Variants in PARM1 observed in about 807,000 individuals in gnomAD.
PARM1 encodes the protein WSC4, cell wall integrity and stress response component 4 homolog.
In PARM1, 14 loss-of-function variants were observed where a neutral mutation model predicts 24.6. That is an observed-to-expected ratio of 0.57 (90% CI 0.38 to 0.89). The LOEUF (loss-of-function observed/expected upper bound fraction) is 0.89. Ranked by LOEUF, PARM1 falls within the 40% of genes least tolerant of loss-of-function variation. The pLI is 0.00. For synonymous variants in PARM1, 179 were observed against 156.6 expected (o/e 1.14, Z -1.07); for missense variants, 362 against 380.4 (o/e 0.95, Z 0.40).
intron 2 of PARM1, among the ~76,000 whole-genome samples, chr4:75,017,455 C>G (rs1178163547): frequency 6.6e-6 from 1 of 152,136 alleles, no homozygotes; most frequent in Non-Finnish European, 1.5e-5. Flanking sequence ...AGAACATTCT[C>G]CCTCCAGATC....
intron 1 of PARM1, among the ~76,000 whole-genome samples, chr4:75,011,211 C>G (rs1722862884): frequency 6.6e-6 from 1 of 152,230 alleles, no homozygotes; most frequent in South Asian, 2.1e-4. Flanking sequence ...ATTTGGAGGG[C>G]ACATCCAAAC....
At chr4:75,036,345 A>T (rs1055816849) in intron 3 of PARM1, among the ~76,000 whole-genome samples, 1 of 152,210 alleles carries the variant, frequency 6.6e-6, no homozygotes, top group Non-Finnish European at 1.5e-5. Flanking sequence ...GTGATTAACA[A>T]TTCAGACTCC....
chr4:74,933,228 C>T lies in PARM1; in HGVS notation c.-100C>T. ...TCGCGCCTCCCGGCTCCCACCGCAG[C>T]CCACCCGGCAGAGGAGTCGCTACCA... On this transcript the variant is annotated 5_prime_UTR_variant, in exon 1 of 4. Coordinates refer to ENST00000307428, the MANE Select transcript of PARM1 (RefSeq NM_015393.4). The T allele has an allele frequency of 9.6e-7, 1 of 1,043,802 alleles. No homozygotes were observed. Among genetic ancestry groups the T allele is most frequent in the South Asian group, 1.4e-5 (1 of 71,706 alleles). 64.7% of individuals were successfully genotyped at this position (1,043,802 alleles called of 1,614,324 possible). A position where few individuals can be genotyped will look rare whatever the true frequency, so the allele number is the denominator to read the frequency against.
At chr4:74,938,582 G>A (rs886164940) in intron 1 of PARM1, among the ~76,000 whole-genome samples, 9 of 152,156 alleles carry the variant, frequency 5.9e-5, no homozygotes, top group African/African-American at 2.2e-4. Flanking sequence ...GAAATACAGA[G>A]CTAATAGGTT....
At chr4:74,997,899 A>C (rs1264357344) in intron 1 of PARM1, 1 of 152,236 alleles carries the variant, frequency 6.6e-6, no homozygotes, top group Non-Finnish European at 1.5e-5. Flanking sequence ...GATTTATTCT[A>C]AATAAGTGCA....
intron 1 of PARM1, among the ~76,000 whole-genome samples, chr4:74,941,050 T>C (rs141999720): frequency 3.5e-4 from 53 of 152,318 alleles, no homozygotes; most frequent in African/African-American, 1.3e-3. Context: ...GGCAAGTTAT[T>C]GGTAGATCAC....
intron 2 of PARM1, among the ~76,000 whole-genome samples, chr4:75,018,592 G>C (rs1419277430): frequency 6.6e-6 from 1 of 152,094 alleles, no homozygotes; most frequent in Non-Finnish European, 1.5e-5. Flanking sequence ...AGGTCCTTTT[G>C]GCTTTTCATA....
intron 3 of PARM1, among the ~76,000 whole-genome samples, chr4:75,045,606 A>G (rs1167720325): frequency 6.6e-6 from 1 of 152,232 alleles, no homozygotes; most frequent in Non-Finnish European, 1.5e-5. Context: ...CACTTCAATT[A>G]ACATCTCTGA....
chr4:74,989,584 T>C (rs1403052524), intron 1 of PARM1, among the ~76,000 whole-genome samples: 2 of 152,108 alleles, frequency 1.3e-5, no homozygotes, highest in Non-Finnish European at 2.9e-5. Flanking sequence ...CCTTTTGAGT[T>C]TTTATGGATA....
chr4:75,005,218 A>G (rs73828405), intron 1 of PARM1, among the ~76,000 whole-genome samples: 47,658 of 151,986 alleles, frequency 0.31, 9,574 homozygotes, highest in African/African-American at 0.57. Flanking sequence ...GGCGACCACA[A>G]GCAATGCTCC....
intron 1 of PARM1, among the ~76,000 whole-genome samples, chr4:74,948,518 G>A (rs541317469): frequency 6.6e-6 from 1 of 152,280 alleles, no homozygotes; most frequent in East Asian, 1.9e-4. Context: ...CAGGCACCAG[G>A]TGAGTGGCCT....
chr4:74,990,103 A>G (rs1722437558), intron 1 of PARM1, among the ~76,000 whole-genome samples: 1 of 152,216 alleles, frequency 6.6e-6, no homozygotes, highest in South Asian at 2.1e-4. Flanking sequence ...GGCATCATAG[A>G]TGATTCCTGA....
At chr4:75,036,209 T>G (rs965286251) in intron 3 of PARM1, among the ~76,000 whole-genome samples, 3 of 152,204 alleles carry the variant, frequency 2.0e-5, no homozygotes, top group African/African-American at 7.2e-5. Flanking sequence ...AAACACTTCC[T>G]TCTTGCTACA....
rs1467594509 is a variant in PARM1, at chr4:75,046,892, G to A, written c.*645G>A. 1 of 152,460 alleles carries A rather than the reference G, an allele frequency of 6.6e-6. No homozygotes were observed. Among genetic ancestry groups the A allele is most frequent in the East Asian group, 1.9e-4 (1 of 5,182 alleles). The allele number at this position is 152,460 out of a possible 1,614,324, so 9.4% of individuals were successfully genotyped here. On this transcript the variant is annotated 3_prime_UTR_variant, in exon 4 of 4. Transcript: ENST00000307428. ...GGGGCAGAATCTCTCAGGTTGCTGT[G>A]GGATCTCAGTGTGCCCCTACCTGTT...
intron 1 of PARM1, among the ~76,000 whole-genome samples, chr4:74,976,027 G>A (rs777239896): frequency 6.6e-6 from 1 of 152,184 alleles, no homozygotes; most frequent in East Asian, 1.9e-4. Context: ...AACCAAGGGA[G>A]GTGGTGAGTG....
At chr4:74,954,638 A>T (rs1721598047) in intron 1 of PARM1, among the ~76,000 whole-genome samples, 1 of 152,176 alleles carries the variant, frequency 6.6e-6, no homozygotes. Context: ...CATCGTGCGC[A>T]TCATGTTCAG....
intron 1 of PARM1, among the ~76,000 whole-genome samples, chr4:74,980,149 T>A (rs150168373): frequency 7.0e-4 from 107 of 152,262 alleles, no homozygotes; most frequent in African/African-American, 2.4e-3. Context: ...ATAAAGTGTT[T>A]CAAATTGGAA....
chr4:75,014,105 C>T (rs996403676), intron 2 of PARM1, among the ~76,000 whole-genome samples: 10 of 152,086 alleles, frequency 6.6e-5, no homozygotes, highest in African/African-American at 1.7e-4. Flanking sequence ...CAGACAGAAC[C>T]CTGCATGGTC....
At chr4:75,008,014 G>T (rs1171774573) in intron 1 of PARM1, among the ~76,000 whole-genome samples, 3 of 152,202 alleles carry the variant, frequency 2.0e-5, no homozygotes, top group Admixed American at 2.0e-4. Context: ...CCAATCTGTG[G>T]TATTTAGTTA....
Sources: gnomAD v4.1 joint callset for allele counts (sites outside exome capture counted in the v4.1 genomes callset) on GRCh38, gnomAD v4.1.1 for gene constraint, MANE v1.5 for transcripts, NCBI Gene and HGNC (gene_info 2026-07-23, HGNC 2026-07-21) for gene names.